Variants in TENM2 observed in about 807,000 individuals in gnomAD.
TENM2 encodes the protein teneurin transmembrane protein 2, also known as teneurin-2.
A neutral mutation model predicts 245.2 loss-of-function variants in TENM2; 52 were observed. The ratio of observed to expected loss-of-function variants is 0.21; its 90% CI spans 0.17 to 0.27. The LOEUF (loss-of-function observed/expected upper bound fraction) is 0.27. TENM2 is among the 10% of genes least tolerant of loss of function. The probability of loss-of-function intolerance (pLI) is 1.00; values close to 1 mark genes in which losing one functional copy is unlikely to be tolerated. For synonymous variants in TENM2, 1,363 were observed against 1,438.9 expected (o/e 0.95, Z 1.19); for missense variants, 3,046 against 3,666.8 (o/e 0.83, Z 4.37).
chr5:167,425,604 A>G (rs1484329411), intron 2 of TENM2, among the ~76,000 whole-genome samples: 1 of 152,178 alleles, frequency 6.6e-6, no homozygotes, highest in Non-Finnish European at 1.5e-5. Context: ...GAATTTGTGC[A>G]TTTTATGTAG....
chr5:167,463,236 G>A (rs546447557), intron 2 of TENM2, among the ~76,000 whole-genome samples: 13 of 152,220 alleles, frequency 8.5e-5, no homozygotes, highest in African/African-American at 3.1e-4. Context: ...ATATAACCAT[G>A]TATGAATGAC....
chr5:168,069,131 C>T (rs1338739809), intron 7 of TENM2, among the ~76,000 whole-genome samples: 1 of 152,192 alleles, frequency 6.6e-6, no homozygotes. Flanking sequence ...CCTGATTTTA[C>T]ATCCTGAATC....
the TENM2 span, among the ~76,000 whole-genome samples, chr5:167,070,504 A>G: frequency 6.6e-6 from 1 of 151,914 alleles, no homozygotes; most frequent in Non-Finnish European, 1.5e-5. Context: ...GTGGATTTTT[A>G]TGTGACTCCA....
chr5:167,957,387 G>A (rs753087573), intron 4 of TENM2, among the ~76,000 whole-genome samples: 14 of 151,710 alleles, frequency 9.2e-5, no homozygotes, highest in Non-Finnish European at 1.9e-4. Flanking sequence ...TAGTCTGGCC[G>A]GCAGTCTATC....
chr5:167,899,837 C>T (rs886506171), intron 3 of TENM2, among the ~76,000 whole-genome samples: 1 of 151,870 alleles, frequency 6.6e-6, no homozygotes, highest in African/African-American at 2.4e-5. Context: ...TAGGATGGAG[C>T]GAAAGAACGG....
intron 4 of TENM2, among the ~76,000 whole-genome samples, chr5:167,976,805 A>G (rs749298373): frequency 5.3e-5 from 8 of 152,214 alleles, no homozygotes; most frequent in Non-Finnish European, 1.0e-4. Context: ...TAAAAATTTC[A>G]TGGATATCAT....
chr5:167,055,259 A>G, the TENM2 span, among the ~76,000 whole-genome samples: 3 of 152,198 alleles, frequency 2.0e-5, no homozygotes, highest in Non-Finnish European at 4.4e-5. Flanking sequence ...GTGGATGTCC[A>G]GTTGTTCTAG....
chr5:167,114,643 T>G, the TENM2 span, among the ~76,000 whole-genome samples: 4 of 152,246 alleles, frequency 2.6e-5, no homozygotes, highest in African/African-American at 9.6e-5. Flanking sequence ...AATTAAATCT[T>G]TATTTGCTTT....
the TENM2 span, among the ~76,000 whole-genome samples, chr5:167,232,345 A>C: frequency 6.6e-6 from 1 of 151,534 alleles, no homozygotes; most frequent in Non-Finnish European, 1.5e-5. Flanking sequence ...AGTAACAAGC[A>C]ACTGTGAGTC....
At chr5:167,205,918 T>C in the TENM2 span, among the ~76,000 whole-genome samples, 2 of 152,232 alleles carry the variant, frequency 1.3e-5, no homozygotes, top group Non-Finnish European at 2.9e-5. Context: ...CTTCTCGTTC[T>C]TGCAATTACT....
intron 2 of TENM2, among the ~76,000 whole-genome samples, chr5:167,494,458 A>G (rs1768656044): frequency 6.6e-6 from 1 of 152,144 alleles, no homozygotes; most frequent in Non-Finnish European, 1.5e-5. Context: ...AAGGGCAGTT[A>G]GAAAACTGTT....
chr5:167,363,144 A>G, intron 1 of TENM2, among the ~76,000 whole-genome samples: 1 of 152,222 alleles, frequency 6.6e-6, no homozygotes, highest in Non-Finnish European at 1.5e-5. Flanking sequence ...AAATAAGCAA[A>G]AGTCAGAAAT....
At chr5:167,353,519 T>TTTTTG (rs1395781682) in intron 1 of TENM2, among the ~76,000 whole-genome samples, 2 of 132,270 alleles carry the variant, frequency 1.5e-5, no homozygotes, top group African/African-American at 5.6e-5. Context: ...TTTTTTTTTT[T>TTTTTG]TTTTTTGAGA....
intron 2 of TENM2, among the ~76,000 whole-genome samples, chr5:167,576,104 A>G (rs571944218): frequency 8.5e-5 from 13 of 152,202 alleles, no homozygotes; most frequent in Non-Finnish European, 1.8e-4. Context: ...GATAAATTTG[A>G]AGTTGCGACT....
chr5:167,704,603 T>C (rs1027458444), intron 2 of TENM2, among the ~76,000 whole-genome samples: 3 of 152,056 alleles, frequency 2.0e-5, no homozygotes, highest in African/African-American at 2.4e-5. Context: ...GAAATAGCAA[T>C]GAAGGAAGAG....
chr5:167,128,088 A>G, the TENM2 span, among the ~76,000 whole-genome samples: 5 of 152,330 alleles, frequency 3.3e-5, no homozygotes, highest in African/African-American at 1.2e-4. Flanking sequence ...CAAATTGCAT[A>G]GCCTTCCTGT....
chr5:168,072,929 C>T (rs1458322002), intron 7 of TENM2, among the ~76,000 whole-genome samples: 7 of 152,132 alleles, frequency 4.6e-5, no homozygotes, highest in Admixed American at 2.6e-4. Context: ...AGCTGGTTGT[C>T]GAGACTCTAG....
At chr5:167,883,724 G>A (rs769146191) in intron 3 of TENM2, among the ~76,000 whole-genome samples, 3 of 152,292 alleles carry the variant, frequency 2.0e-5, no homozygotes, top group East Asian at 3.9e-4. Context: ...TAACAGTTTC[G>A]TGCCCTAGTA....
the TENM2 span, among the ~76,000 whole-genome samples, chr5:167,177,848 A>G: frequency 1.3e-5 from 2 of 152,202 alleles, no homozygotes; most frequent in Non-Finnish European, 2.9e-5. Context: ...GTTTAATTAA[A>G]TGAAAGCCTC....
Sources: allele counts gnomAD v4.1 joint callset (sites outside exome capture counted in the v4.1 genomes callset), GRCh38; gene constraint gnomAD v4.1.1; transcripts MANE v1.5; gene names NCBI Gene and HGNC (gene_info 2026-07-23, HGNC 2026-07-21).